CSRNP3: variants seen among roughly 807,000 people sequenced by gnomAD.
The protein encoded by CSRNP3 is cysteine and serine rich nuclear protein 3.
A neutral mutation model predicts 48.0 loss-of-function variants in CSRNP3; 12 were observed. That is an observed-to-expected ratio of 0.25 (90% confidence interval 0.16 to 0.41). The LOEUF is 0.41. CSRNP3 is among the 10% of genes least tolerant of loss of function. The pLI, the probability that CSRNP3 is intolerant of heterozygous loss-of-function variation, is 1.00. For missense variants in CSRNP3, 580 were observed against 724.4 expected, an observed-to-expected ratio of 0.80 and a Z score of 2.29; for synonymous variants, 263 against 269.7, an observed-to-expected ratio of 0.98 and a Z score of 0.24.
intron 3 of CSRNP3, among the ~76,000 whole-genome samples, chr2:165,521,152 T>C (rs1684655976): frequency 6.7e-6 from 1 of 148,582 alleles, no homozygotes; most frequent in Non-Finnish European, 1.5e-5. Context: ...AGACAGCTTG[T>C]GTTGTCTGTT....
At chr2:165,640,224 TAC>T (rs1480053842) in intron 4 of CSRNP3, among the ~76,000 whole-genome samples, 1 of 152,244 alleles carries the variant, frequency 6.6e-6, no homozygotes, top group Non-Finnish European at 1.5e-5. Context: ...TTTAATGTGT[TAC>T]AAATATTTAT....
At chr2:165,586,909 C>A (rs1685642393) in intron 3 of CSRNP3, among the ~76,000 whole-genome samples, 1 of 152,178 alleles carries the variant, frequency 6.6e-6, no homozygotes. Context: ...TTTAATCAAA[C>A]CCTCCACCTA....
At chr2:165,659,572 G>A (rs771164722) in intron 5 of CSRNP3, among the ~76,000 whole-genome samples, 1 of 152,076 alleles carries the variant, frequency 6.6e-6, no homozygotes, top group Non-Finnish European at 1.5e-5. Context: ...ACTTATTTTT[G>A]TGCCACTTTA....
chr2:165,666,805 GAAGA>G (rs1334230811), intron 5 of CSRNP3, among the ~76,000 whole-genome samples: 4 of 132,272 alleles, frequency 3.0e-5, no homozygotes, highest in South Asian at 2.6e-4. Context: ...AGAGAGAGAG[GAAGA>G]AAGAAAGAGA....
intron 4 of CSRNP3, among the ~76,000 whole-genome samples, chr2:165,620,582 T>C (rs1381675970): frequency 6.6e-6 from 1 of 152,170 alleles, no homozygotes; most frequent in African/African-American, 2.4e-5. Flanking sequence ...ATCTCACAGA[T>C]GTCTCTTTCA....
chr2:165,600,413 T>C (rs1258369398), intron 4 of CSRNP3, among the ~76,000 whole-genome samples: 3 of 152,134 alleles, frequency 2.0e-5, no homozygotes, highest in Non-Finnish European at 2.9e-5. Flanking sequence ...TGTGTCTTTA[T>C]AGCAGCATGA....
intron 5 of CSRNP3, among the ~76,000 whole-genome samples, chr2:165,675,264 A>G (rs1362779668): frequency 2.0e-5 from 3 of 152,290 alleles, no homozygotes; most frequent in African/African-American, 7.2e-5. Context: ...CACCAAGCAT[A>G]GTAATAATTA....
intron 3 of CSRNP3, among the ~76,000 whole-genome samples, chr2:165,524,760 A>G (rs1440035549): frequency 6.6e-6 from 1 of 152,196 alleles, no homozygotes; most frequent in Non-Finnish European, 1.5e-5. Flanking sequence ...TCTTGCATGT[A>G]TCAATAATTA....
intron 3 of CSRNP3, among the ~76,000 whole-genome samples, chr2:165,587,514 A>T (rs556686858): frequency 3.0e-4 from 45 of 152,358 alleles, no homozygotes; most frequent in African/African-American, 1.1e-3. Context: ...TAGGTCAAAA[A>T]GTTGCTCAGC....
intron 4 of CSRNP3, among the ~76,000 whole-genome samples, chr2:165,610,690 C>T (rs577846506): frequency 1.3e-5 from 2 of 152,172 alleles, no homozygotes; most frequent in Non-Finnish European, 2.9e-5. Flanking sequence ...CACCTCTCAG[C>T]CAGGGCTGCT....
At chr2:165,560,877 T>A (rs1685225749) in intron 3 of CSRNP3, among the ~76,000 whole-genome samples, 1 of 152,204 alleles carries the variant, frequency 6.6e-6, no homozygotes, top group East Asian at 1.9e-4. Context: ...TTAATCGCTT[T>A]AAACTGTTTG....
intron 3 of CSRNP3, among the ~76,000 whole-genome samples, chr2:165,546,245 G>A (rs1180672615): frequency 6.6e-6 from 1 of 152,120 alleles, no homozygotes; most frequent in Non-Finnish European, 1.5e-5. Flanking sequence ...AGGCTGGAGT[G>A]CAGTGGCGCA....
At chr2:165,621,825 A>G (rs1686344689) in intron 4 of CSRNP3, among the ~76,000 whole-genome samples, 1 of 152,108 alleles carries the variant, frequency 6.6e-6, no homozygotes, top group Non-Finnish European at 1.5e-5. Context: ...GGTTTTATTT[A>G]GTCCTTACCT....
intron 4 of CSRNP3, among the ~76,000 whole-genome samples, chr2:165,626,202 A>G (rs1686432694): frequency 6.6e-6 from 1 of 152,024 alleles, no homozygotes; most frequent in South Asian, 2.1e-4. Flanking sequence ...CAACCTGGGC[A>G]AAAGAGTGAA....
intron 3 of CSRNP3, 88 bp downstream of exon 3, chr2:165,518,049 G>A (rs1457029266): frequency 6.6e-6 from 1 of 152,212 alleles, no homozygotes; most frequent in African/African-American, 2.4e-5. Context: ...ATGTGTAATT[G>A]GAAATGGTCT....
At chr2:165,572,995 A>G (rs77947817) in intron 3 of CSRNP3, among the ~76,000 whole-genome samples, 1 of 152,106 alleles carries the variant, frequency 6.6e-6, no homozygotes, top group Non-Finnish European at 1.5e-5. Context: ...ATTAGATAAT[A>G]TATCATTCAA....
At chr2:165,470,852 T>A (rs558283856) in intron 1 of CSRNP3, among the ~76,000 whole-genome samples, 8 of 152,064 alleles carry the variant, frequency 5.3e-5, no homozygotes, top group Non-Finnish European at 1.0e-4. Flanking sequence ...ATTATAATAA[T>A]AAAATAAAAG....
intron 2 of CSRNP3, among the ~76,000 whole-genome samples, chr2:165,504,154 C>A (rs1684394834): frequency 6.6e-6 from 1 of 151,826 alleles, no homozygotes; most frequent in African/African-American, 2.4e-5. Context: ...TAAAAATGTT[C>A]AAGATTATCT....
At chr2:165,621,752 T>C (rs1686343644) in intron 4 of CSRNP3, among the ~76,000 whole-genome samples, 1 of 152,242 alleles carries the variant, frequency 6.6e-6, no homozygotes, top group Non-Finnish European at 1.5e-5. Flanking sequence ...TGTTACATTT[T>C]AGTCTTGATA....
Sources: allele counts gnomAD v4.1 joint callset (sites outside exome capture counted in the v4.1 genomes callset), GRCh38; gene constraint gnomAD v4.1.1; transcripts MANE v1.5; gene names NCBI Gene and HGNC (gene_info 2026-07-23, HGNC 2026-07-21).